The following MOB1A variants were observed in gnomAD, a reference collection of about 807,000 sequenced individuals.
MOB1A encodes the protein MOB kinase activator 1A.
Under a neutral mutation model 25.1 loss-of-function variants are expected in MOB1A, and 10 were observed. The ratio of observed to expected loss-of-function variants is 0.40; its 90% CI spans 0.25 to 0.68. The LOEUF (loss-of-function observed/expected upper bound fraction) is 0.68, where lower values mean the gene tolerates loss of function less well. MOB1A is among the 30% of genes least tolerant of loss of function. MOB1A has a pLI of 0.40. For synonymous variants in MOB1A, 81 were observed against 79.5 expected (o/e 1.02, Z -0.10); for missense variants, 177 against 256.3 (o/e 0.69, Z 2.11).
At chr2:74,166,332 T>G (rs1280553326) in intron 3 of MOB1A, among the ~76,000 whole-genome samples, 2 of 152,042 alleles carry the variant, frequency 1.3e-5, no homozygotes, top group Non-Finnish European at 2.9e-5. Flanking sequence ...TATTAAAAGA[T>G]CAACTAAAAA....
chr2:74,157,373 T>C (rs1002193084), intron 5 of MOB1A, among the ~76,000 whole-genome samples: 4 of 152,040 alleles, frequency 2.6e-5, no homozygotes, highest in African/African-American at 9.7e-5. Flanking sequence ...ATCTCTTCCA[T>C]CTGGCTGTTC....
At chr2:74,176,688 C>T (rs144716193) in intron 1 of MOB1A, among the ~76,000 whole-genome samples, 5,115 of 150,350 alleles carry the variant, frequency 0.034, 147 homozygotes, top group East Asian at 0.092. Context: ...GGCGTGAACC[C>T]GGGAGGCGGA....
At chr2:74,177,051 G>C (rs1693494518) in intron 1 of MOB1A, among the ~76,000 whole-genome samples, 1 of 152,098 alleles carries the variant, frequency 6.6e-6, no homozygotes, top group Non-Finnish European at 1.5e-5. Flanking sequence ...AGAAGGCCAA[G>C]TTTTAAAAAA....
chr2:74,161,062 A>C (rs1290391139), intron 4 of MOB1A, among the ~76,000 whole-genome samples: 1 of 152,192 alleles, frequency 6.6e-6, no homozygotes, highest in Non-Finnish European at 1.5e-5. Flanking sequence ...TCCATCTCAA[A>C]AAATAAAAAT....
chr2:74,167,064 A>T lies in MOB1A; in HGVS notation c.225T>A (p.Ile75=). The change falls in exon 3 of 6, where the codon ATT becomes ATA. Residue 75 remains isoleucine (I), a synonymous_variant. Coordinates refer to ENST00000396049, the MANE Select transcript of MOB1A (RefSeq NM_018221.5). ...FNQINMLYGT[I]TEFCTEASCP... ...AGCTTGCTTCAGTGCAGAATTCTGT[A>T]ATAGTTCCATATAACATGTTGATCT... 6.2e-7 allele frequency: 1 copy of T among 1,613,978 alleles called. No individual in the cohort carries two copies. Among genetic ancestry groups the T allele is most frequent in the Admixed American group, 1.7e-5 (1 of 60,022 alleles).
rs2272240 is a variant in MOB1A, at chr2:74,178,825, T to C, written c.-151A>G. ...GCCGGGTTTCTGGCCGCTGCGAGCCTTTGCAAACCTCGGCGCCCGCCTTGC... is the reference window on the plus strand; with the variant it reads ...GCCGGGTTTCTGGCCGCTGCGAGCCCTTGCAAACCTCGGCGCCCGCCTTGC... On this transcript the variant is annotated 5_prime_UTR_variant, in exon 1 of 6. Coordinates refer to ENST00000396049, the MANE Select transcript of MOB1A (RefSeq NM_018221.5). The C allele has an allele frequency of 0.11, 46,752 of 412,628 alleles. 4,307 individuals are homozygous for C. Among genetic ancestry groups the C allele is most frequent in the East Asian group, 0.29 (6,747 of 22,956 alleles). 25.6% of individuals were successfully genotyped at this position (412,628 alleles called of 1,614,324 possible). A position where few individuals can be genotyped will look rare whatever the true frequency, so the allele number is the denominator to read the frequency against.
rs113365286 is a variant in MOB1A, at chr2:74,174,394, G to A, written c.15-1642C>T. 4.8e-3 allele frequency among the ~76,000 whole-genome samples: 729 copies of A among 152,218 alleles called. 8 individuals are homozygous for A. Among genetic ancestry groups the A allele is most frequent in the African/African-American group, 0.017 (703 of 41,552 alleles). ...GAGGATTTCTTGAGCCCAGGAGTTT[G>A]AGACCAGCCAGGACAACATAGTAAG... On this transcript the variant is annotated intron_variant, in intron 1 of 5. Transcript: ENST00000396049.
In MOB1A at chr2:74,153,205, C is replaced by T. The variant is rs940165568; in HGVS notation, c.*3363G>A. On this transcript the variant is annotated 3_prime_UTR_variant, in exon 6 of 6. Coordinates refer to ENST00000396049, the MANE Select transcript of MOB1A (RefSeq NM_018221.5). ...TAAAACAAGGCGGTAGCACCAGCACCATGACTAGGGCTGCTTTAAAACAAA... is the reference window on the plus strand; with the variant it reads ...TAAAACAAGGCGGTAGCACCAGCACTATGACTAGGGCTGCTTTAAAACAAA... The T allele has an allele frequency of 1.3e-5, 2 of 152,170 alleles. No homozygotes were observed. Among genetic ancestry groups the T allele is most frequent in the Non-Finnish European group, 2.9e-5 (2 of 68,048 alleles). The allele number at this position is 152,170 out of a possible 1,614,324, so 9.4% of individuals were successfully genotyped here. A position where few individuals can be genotyped will look rare whatever the true frequency, so the allele number is the denominator to read the frequency against.
At chr2:74,164,197 G>GA (rs1470230414) in intron 4 of MOB1A, 1 of 152,094 alleles carries the variant, frequency 6.6e-6, no homozygotes, top group African/African-American at 2.4e-5. Flanking sequence ...TTTCCATTTG[G>GA]AAAAAAATTA....
rs961086251 is a variant in MOB1A, at chr2:74,173,377, T to A, written c.15-625A>T. ...AACCTTCTTTTGGCCTCAATTTCGG[T>A]TTTTTTTTTTTTTTTTTTTTTGAGA... On this transcript the variant is annotated intron_variant, in intron 1 of 5. Transcript: ENST00000396049. Among the ~76,000 whole-genome samples the A allele has an allele frequency of 1.3e-4, 4 of 29,728 alleles. No homozygotes were observed. In the East Asian group the frequency reaches 5.1e-3, roughly 38 times the overall value. 19.5% of individuals were successfully genotyped at this position (29,728 alleles called of 152,430 possible).
intron 2 of MOB1A, among the ~76,000 whole-genome samples, chr2:74,172,357 T>C (rs370333620): frequency 2.2e-4 from 33 of 152,296 alleles, no homozygotes; most frequent in African/African-American, 7.2e-4. Context: ...TTCTTAGAAA[T>C]TGCCCAAAAG....
intron 4 of MOB1A, among the ~76,000 whole-genome samples, chr2:74,161,336 T>G (rs1433808000): frequency 2.0e-5 from 3 of 152,160 alleles, no homozygotes; most frequent in Non-Finnish European, 4.4e-5. Flanking sequence ...GGATCTTGTA[T>G]TCATGTATTG....
chr2:74,156,770 G>T, intron 5 of MOB1A, 125 bp from the exon 6 acceptor site: 1 of 678,840 alleles, frequency 1.5e-6, no homozygotes, highest in Non-Finnish European at 2.5e-6. Context: ...AATAACCTCT[G>T]TGAACATTTT....
intron 1 of MOB1A, among the ~76,000 whole-genome samples, chr2:74,174,143 C>T (rs528145985): frequency 1.3e-5 from 2 of 150,582 alleles, no homozygotes; most frequent in East Asian, 2.0e-4. Flanking sequence ...TGGTGGCACA[C>T]GCCTGTAGTC....
intron 4 of MOB1A, chr2:74,165,001 T>C (rs1693086570): frequency 7.1e-6 from 2 of 282,922 alleles, no homozygotes; most frequent in Non-Finnish European, 6.4e-6. Flanking sequence ...TATAACAATG[T>C]TAAAAAGAGC....
intron 1 of MOB1A, among the ~76,000 whole-genome samples, chr2:74,175,882 A>G (rs1292731778): frequency 6.6e-6 from 1 of 152,182 alleles, no homozygotes; most frequent in African/African-American, 2.4e-5. Context: ...ACTTCTAGGA[A>G]GAGGAATGGA....
intron 3 of MOB1A, 147 bp downstream of exon 3, chr2:74,166,867 C>A: frequency 1.8e-6 from 1 of 564,574 alleles, no homozygotes. Flanking sequence ...TACACAATAA[C>A]TAAAAGCTTA....
chr2:74,156,034 TGAA>T lies in MOB1A; in HGVS notation c.*531_*533del, dbSNP rs1692796910. 6.5e-6 allele frequency: 1 copy of T among 152,698 alleles called. No individual in the cohort carries two copies. Among genetic ancestry groups the T allele is most frequent in the Non-Finnish European group, 1.5e-5 (1 of 68,092 alleles). 9.5% of individuals were successfully genotyped at this position (152,698 alleles called of 1,614,324 possible). On this transcript the variant is annotated 3_prime_UTR_variant, in exon 6 of 6. Transcript: ENST00000396049. ...CTATAAAAACACTACCATACAAACT[TGAA>T]ACTAAAATGTTATCTGAAGTGACAC...
rs10206337 is a variant in MOB1A at position 74,159,829 on chromosome 2, A to G, written c.410-575T>C. On this transcript the variant is annotated intron_variant, in intron 4 of 5. Coordinates refer to ENST00000396049, the MANE Select transcript of MOB1A (RefSeq NM_018221.5). ...TTTTTTGTTTTTTGTCCCCCCCCCC[A>G]CCCCGGAGACTGAGCCTCACTCTGT... Among the ~76,000 whole-genome samples the G allele has an allele frequency of 2.1e-3, 189 of 91,654 alleles. 1 individual carries two copies. The highest frequency in any genetic ancestry group is 6.9e-3 in the African/African-American group (183 of 26,556). 60.1% of individuals were successfully genotyped at this position (91,654 alleles called of 152,430 possible).
Sources: allele counts gnomAD v4.1 joint callset (sites outside exome capture counted in the v4.1 genomes callset), GRCh38; gene constraint gnomAD v4.1.1; transcripts MANE v1.5; gene names NCBI Gene and HGNC (gene_info 2026-07-23, HGNC 2026-07-21).